Variants in PCDHGA6 observed in about 807,000 individuals in gnomAD.
PCDHGA6 encodes protocadherin gamma subfamily A, 6.
PCDHGA6 carries 41 observed loss-of-function variants against 60.6 expected under a neutral mutation model. The observed-to-expected ratio is 0.68, with a 90% CI of 0.53 to 0.88. The LOEUF (loss-of-function observed/expected upper bound fraction) is 0.88. Among genes scored for constraint, PCDHGA6 ranks in the 40% least tolerant of loss-of-function variants. The pLI is 0.00. For missense variants in PCDHGA6, 1,312 were observed against 1,203.0 expected, an observed-to-expected ratio of 1.09 and a Z score of -1.34; for synonymous variants, 594 against 524.4, an observed-to-expected ratio of 1.13 and a Z score of -1.81.
intron 1 of PCDHGA6, among the ~76,000 whole-genome samples, chr5:141,481,478 T>C (rs2099538352): frequency 6.6e-6 from 1 of 152,232 alleles, no homozygotes; most frequent in African/African-American, 2.4e-5. Context: ...GATTATACAC[T>C]TTAAATATGT....
At chr5:141,425,805 C>T (rs1419480761) in intron 1 of PCDHGA6, among the ~76,000 whole-genome samples, 1 of 152,158 alleles carries the variant, frequency 6.6e-6, no homozygotes, top group African/African-American at 2.4e-5. Context: ...TGCATTGCTT[C>T]TGCTTAGAAA....
chr5:141,420,934 C>T, intron 1 of PCDHGA6: 1 of 377,936 alleles, frequency 2.6e-6, no homozygotes, highest in South Asian at 5.3e-5. Context: ...TGAGCGTAAT[C>T]ATTTCTTCTG....
chr5:141,431,839 T>A lies in PCDHGA6; in HGVS notation c.2424+55332T>A. The A allele has an allele frequency of 1.2e-6, 2 of 1,614,198 alleles. No individual in the cohort carries two copies. The highest frequency in any genetic ancestry group is 1.7e-6 in the Non-Finnish European group (2 of 1,180,028). The stretch of plus-strand genomic sequence containing the variant: ...TCGCCAGCTCGGTTCCCGAAAACTC[T>A]CCCAGAGGGACATTAATTGCCCTTT... On this transcript the variant is annotated intron_variant, in intron 1 of 3. Coordinates refer to ENST00000517434, the MANE Select transcript of PCDHGA6 (RefSeq NM_018919.3). This position sits in a 1 kb window ranked among gnomAD's most constrained non-coding sequence, Gnocchi z 4.8.
intron 1 of PCDHGA6, chr5:141,384,375 C>T (rs190245807): frequency 6.2e-7 from 1 of 1,613,912 alleles, no homozygotes; most frequent in South Asian, 1.1e-5. Flanking sequence ...ATTCCTTGGC[C>T]GAAGACACCA....
intron 1 of PCDHGA6, chr5:141,405,392 T>C: frequency 6.3e-7 from 1 of 1,596,104 alleles, no homozygotes; most frequent in Non-Finnish European, 8.5e-7. Flanking sequence ...TTCATTTTTT[T>C]TCTTTCTTTC....
At chr5:141,488,157 C>T (rs565677003) in intron 1 of PCDHGA6, among the ~76,000 whole-genome samples, 2 of 152,216 alleles carry the variant, frequency 1.3e-5, no homozygotes, top group South Asian at 2.1e-4. Context: ...TAGAGAGGCA[C>T]GCATCAGAGT....
At chr5:141,435,430 T>C (rs576681937) in intron 1 of PCDHGA6, among the ~76,000 whole-genome samples, 115 of 152,334 alleles carry the variant, frequency 7.5e-4, no homozygotes, top group African/African-American at 2.6e-3. Flanking sequence ...ACTTCTGTTA[T>C]GCATTTCATT....
At position 141,420,090 on chromosome 5, in the gene PCDHGA6, G is replaced by A. The variant is rs779478924; in HGVS notation, c.2424+43583G>A. 4.2e-5 allele frequency: 68 copies of A among 1,613,932 alleles called. No individual in the cohort carries two copies. Among genetic ancestry groups the A allele is most frequent in the Non-Finnish European group, 5.7e-5 (67 of 1,179,886 alleles). On this transcript the variant is annotated intron_variant, in intron 1 of 3. Coordinates refer to ENST00000517434, the MANE Select transcript of PCDHGA6 (RefSeq NM_018919.3). ...GGACCTGTGGGTCCCCCCAACTACA[G>A]TGAGGGAACGTTGCCCTATGCCTAT...
At chr5:141,400,791 T>C in intron 1 of PCDHGA6, 1 of 562,286 alleles carries the variant, frequency 1.8e-6, no homozygotes, top group Non-Finnish European at 3.1e-6. Flanking sequence ...TTTGTCCTCT[T>C]TCTCAAAGCT....
At chr5:141,399,818 G>A in intron 1 of PCDHGA6, 1 of 1,613,204 alleles carries the variant, frequency 6.2e-7, no homozygotes, top group Non-Finnish European at 8.5e-7. Context: ...CCCGCGCTGG[G>A]TCCCGACGGC....
intron 3 of PCDHGA6, among the ~76,000 whole-genome samples, chr5:141,509,815 TCTC>T (rs1596250992): frequency 6.6e-6 from 1 of 152,226 alleles, no homozygotes; most frequent in East Asian, 1.9e-4. Flanking sequence ...GCCGAGCTCT[TCTC>T]CATCTTCTCT....
chr5:141,414,413 C>T, intron 1 of PCDHGA6: 1 of 1,613,830 alleles, frequency 6.2e-7, no homozygotes. Flanking sequence ...ATACACAGAG[C>T]CCTTGACAGG....
intron 1 of PCDHGA6, chr5:141,389,731 G>A: frequency 6.2e-7 from 1 of 1,612,688 alleles, no homozygotes; most frequent in Non-Finnish European, 8.5e-7. Flanking sequence ...GGGCTCTTCA[G>A]CCTGGGGCTG....
Position 141,409,086 on chromosome 5 carries a change from A to G in PCDHGA6, c.2424+32579A>G, listed in dbSNP as rs1019017199. 6.8e-6 allele frequency: 11 copies of G among 1,613,904 alleles called. No homozygotes were observed. Among genetic ancestry groups the G allele is most frequent in the African/African-American group, 5.3e-5 (4 of 74,932 alleles). On this transcript the variant is annotated intron_variant, in intron 1 of 3. Transcript: ENST00000517434. ...AGCACAAAACATATGTTCTCATTGG[A>G]TGAGAAAACAGGTATGATTAAGAAT... is the stretch of plus-strand genomic sequence containing the variant.
intron 1 of PCDHGA6, chr5:141,413,063 T>G: frequency 1.8e-6 from 2 of 1,142,610 alleles, no homozygotes; most frequent in East Asian, 5.1e-5. Context: ...CACTCCAGAA[T>G]TTAAAGTGCC....
chr5:141,384,771 C>T (rs568102289), intron 1 of PCDHGA6: 36 of 1,613,878 alleles, frequency 2.2e-5, no homozygotes, highest in Admixed American at 1.7e-4. Context: ...TGTACACGGG[C>T]GAGGTGCGCA....
intron 1 of PCDHGA6, among the ~76,000 whole-genome samples, chr5:141,382,424 A>G (rs1778195711): frequency 6.6e-6 from 1 of 152,232 alleles, no homozygotes; most frequent in Non-Finnish European, 1.5e-5. Flanking sequence ...TCAGTGCCCA[A>G]AAGAGTCACT....
chr5:141,418,819 A>T (rs1285247926), intron 1 of PCDHGA6: 1 of 1,613,868 alleles, frequency 6.2e-7, no homozygotes, highest in African/African-American at 1.3e-5. Context: ...TAAACATAGA[A>T]GCAAAAGACC....
chr5:141,405,177 G>A, intron 1 of PCDHGA6: 3 of 1,614,140 alleles, frequency 1.9e-6, no homozygotes, highest in African/African-American at 1.3e-5. Flanking sequence ...CACTTTGTGG[G>A]TGTAGATGGG....
Sources: allele counts gnomAD v4.1 joint callset (sites outside exome capture counted in the v4.1 genomes callset), GRCh38; gene constraint gnomAD v4.1.1; non-coding constraint Gnocchi (gnomAD v3.1); transcripts MANE v1.5; gene names NCBI Gene and HGNC (gene_info 2026-07-23, HGNC 2026-07-21).